The following TMEM43 variants were observed in gnomAD, a reference collection of about 807,000 sequenced individuals.
The protein encoded by TMEM43 is arrhythmogenic right ventricular dysplasia 5.
A neutral mutation model predicts 49.6 loss-of-function variants in TMEM43; 45 were observed. The observed-to-expected ratio is 0.91, with a 90% CI of 0.71 to 1.16. TMEM43 has a LOEUF of 1.16. Ranked by LOEUF, TMEM43 falls within the 50% of genes most tolerant of loss-of-function variation. The pLI is 0.00. For missense variants in TMEM43, 532 were observed against 516.6 expected (o/e 1.03, Z -0.29); for synonymous variants, 199 against 207.8 (o/e 0.96, Z 0.36).
intron 1 of TMEM43, among the ~76,000 whole-genome samples, chr3:14,126,345 T>G (rs1179336239): frequency 2.0e-5 from 3 of 152,166 alleles, no homozygotes; most frequent in African/African-American, 7.2e-5. Flanking sequence ...ATGTGGACTC[T>G]TTGTCTGCTC....
At chr3:14,136,859 T>C (rs1447189030) in intron 10 of TMEM43, among the ~76,000 whole-genome samples, 1 of 149,090 alleles carries the variant, frequency 6.7e-6, no homozygotes, top group Admixed American at 6.8e-5. Context: ...CAAGATGTGC[T>C]GATTAGTTCA....
At chr3:14,133,215 A>G (rs989785149) in intron 6 of TMEM43, among the ~76,000 whole-genome samples, 1 of 152,190 alleles carries the variant, frequency 6.6e-6, no homozygotes, top group Non-Finnish European at 1.5e-5. Flanking sequence ...CATTTTGTTA[A>G]TGGTTTGCCA....
chr3:14,141,816 G>A lies in TMEM43; in HGVS notation c.*21G>A, dbSNP rs745658635. 5.5e-5 allele frequency: 89 copies of A among 1,606,614 alleles called. No individual in the cohort carries two copies. The highest frequency in any genetic ancestry group is 4.7e-4 in the South Asian group (43 of 90,592). ...AGTGAAAAGACCCTGGCACCCGCCCGACACCTGCGTGAGCCCTAGGATCCA... is the reference window on the plus strand; with the variant it reads ...AGTGAAAAGACCCTGGCACCCGCCCAACACCTGCGTGAGCCCTAGGATCCA... On this transcript the variant is annotated 3_prime_UTR_variant, in exon 12 of 12. Coordinates refer to ENST00000306077, the MANE Select transcript of TMEM43 (RefSeq NM_024334.3).
chr3:14,132,768 C>T (rs1695114161), intron 5 of TMEM43, 98 bp from the exon 6 acceptor site: 5 of 1,416,822 alleles, frequency 3.5e-6, no homozygotes, highest in Non-Finnish European at 5.0e-6. Context: ...GCTCCCTGAC[C>T]CACCCCTTTG....
intron 10 of TMEM43, among the ~76,000 whole-genome samples, chr3:14,136,266 C>T (rs896781304): frequency 1.3e-5 from 2 of 152,190 alleles, no homozygotes; most frequent in South Asian, 2.1e-4. Flanking sequence ...CCACTAGTGG[C>T]GTCATGTTGG....
chr3:14,130,875 G>A lies in TMEM43; in HGVS notation c.216G>A (p.Val72=), dbSNP rs943527392. Residue 72 remains valine, a synonymous_variant, in exon 3 of 12, where the codon GTG becomes GTA. Transcript: ENST00000306077. The part of the protein sequence containing the change: ...TSLAEGLSLV[V]SPDSIHSVAP... ...TGGCTGAGGGGCTCTCGCTTGTGGT[G>A]TCTCCCGACAGCATCCACAGTGTGG... The A allele has an allele frequency of 3.1e-6, 5 of 1,613,702 alleles. No individual in the cohort carries two copies. Among genetic ancestry groups the A allele is most frequent in the Middle Eastern group, 1.6e-4 (1 of 6,082 alleles).
chr3:14,129,336 TGAG>T, intron 1 of TMEM43, 73 bp from the exon 2 acceptor site: 41 of 938,744 alleles, frequency 4.4e-5, no homozygotes, highest in Non-Finnish European at 5.6e-5. Context: ...AAAAAAAAAT[TGAG>T]TATAAATAAA....
intron 10 of TMEM43, among the ~76,000 whole-genome samples, chr3:14,137,687 C>T (rs1695188157): frequency 2.0e-5 from 3 of 152,250 alleles, no homozygotes; most frequent in Non-Finnish European, 2.9e-5. Context: ...CACTGCCTCC[C>T]ACCTGCTACA....
intron 8 of TMEM43, 103 bp downstream of exon 8, chr3:14,134,994 GGCCAA>G (rs764695056): frequency 2.9e-5 from 45 of 1,574,098 alleles, no homozygotes; most frequent in Non-Finnish European, 3.8e-5. Context: ...AGCTGCACTT[GGCCAA>G]GTGCAGCTGA....
chr3:14,125,340 C>A, intron 1 of TMEM43, 135 bp downstream of exon 1: 1 of 1,089,726 alleles, frequency 9.2e-7, no homozygotes, highest in South Asian at 1.3e-5. Flanking sequence ...CTCTGCTCGC[C>A]GTGTCTGTGC....
Position 14,141,625 on chromosome 3 carries a change from A to G in TMEM43, c.1033A>G (p.Asn345Asp), listed in dbSNP as rs1695247124. The G allele has an allele frequency of 1.2e-6, 2 of 1,614,146 alleles. No homozygotes were observed. Among genetic ancestry groups the G allele is most frequent in the Non-Finnish European group, 1.7e-6 (2 of 1,180,028 alleles). The change falls in exon 12 of 12, where the codon AAC becomes GAC. Residue 345 changes from asparagine (N) to aspartate (D), a missense_variant. Asn to Asp is a conservative substitution (Grantham distance 23). Transcript: ENST00000306077. ...GTTTCCTGTTTTCCGAGACCTGGTC[A>G]ACATTGGCCTGAAAGCCTTTGCCTT... ...DWFPVFRDLV[N>D]IGLKAFAFCV...
In TMEM43 at chr3:14,125,156, G is replaced by C; in HGVS notation, c.-38G>C. The C allele has an allele frequency of 9.9e-6, 16 of 1,608,924 alleles. No individual in the cohort carries two copies. Among genetic ancestry groups the C allele is most frequent in the Non-Finnish European group, 1.4e-5 (16 of 1,178,956 alleles). On this transcript the variant is annotated 5_prime_UTR_variant, in exon 1 of 12. Transcript: ENST00000306077. Reference sequence around the variant, plus strand: ...CCAGTCGTCAGCCCACTTCCTAGCTGAACAGCGCGAGGCGGCGGCAGCGAG... The same window carrying C: ...CCAGTCGTCAGCCCACTTCCTAGCTCAACAGCGCGAGGCGGCGGCAGCGAG...
In TMEM43 at chr3:14,141,929, C is replaced by T; in HGVS notation, c.*134C>T. 1.2e-6 allele frequency: 1 copy of T among 826,252 alleles called. No individual in the cohort carries two copies. Among genetic ancestry groups the T allele is most frequent in the Non-Finnish European group, 1.9e-6 (1 of 535,750 alleles). 51.2% of individuals were successfully genotyped at this position (826,252 alleles called of 1,614,324 possible). ...CTGCACTCCCTCTCCTCTTCAGGGG[C>T]CAGACTTGGCAGCATGTGCACCAGG... is the stretch of plus-strand genomic sequence containing the variant. On this transcript the variant is annotated 3_prime_UTR_variant, in exon 12 of 12. Coordinates refer to ENST00000306077, the MANE Select transcript of TMEM43 (RefSeq NM_024334.3).
intron 10 of TMEM43, chr3:14,137,011 T>C (rs1041039382): frequency 6.7e-6 from 1 of 149,794 alleles, no homozygotes; most frequent in Non-Finnish European, 1.5e-5. Flanking sequence ...TAACCAGGAC[T>C]GCTGGGGTTT....
chr3:14,129,064 A>G (rs745554414), intron 1 of TMEM43: 1 of 436,414 alleles, frequency 2.3e-6, no homozygotes, highest in South Asian at 1.6e-5. Flanking sequence ...CTCAAGTTGT[A>G]GAAGAAACAA....
chr3:14,135,666 G>A (rs1379872296), intron 9 of TMEM43, 141 bp from the exon 10 acceptor site: 3 of 645,778 alleles, frequency 4.6e-6, no homozygotes, highest in Non-Finnish European at 8.2e-6. Context: ...CATCCCAGAT[G>A]GATGTATAGA....
In TMEM43 at chr3:14,141,932, GACTTGGCAGCA is replaced by G; in HGVS notation, c.*138_*148del. 2 of 814,440 alleles carry G rather than the reference GACTTGGCAGCA, an allele frequency of 2.5e-6. No individual in the cohort carries two copies. The highest frequency in any genetic ancestry group is 5.4e-5 in the East Asian group (2 of 37,318). The allele number at this position is 814,440 out of a possible 1,614,324, so 50.5% of individuals were successfully genotyped here. On this transcript the variant is annotated 3_prime_UTR_variant, in exon 12 of 12. Transcript: ENST00000306077. ...CACTCCCTCTCCTCTTCAGGGGCCA[GACTTGGCAGCA>G]TGTGCACCAGGTTGGTGTTCACCAG...
intron 6 of TMEM43, among the ~76,000 whole-genome samples, chr3:14,133,151 T>C (rs1471455041): frequency 6.6e-6 from 1 of 152,094 alleles, no homozygotes; most frequent in East Asian, 1.9e-4. Flanking sequence ...AAGTCACAAA[T>C]ATAAGGCCTG....
At position 14,141,595 on chromosome 3, in the gene TMEM43, G is replaced by A; in HGVS notation, c.1003G>A (p.Asp335Asn). ...CATCACCTTTCTCCTTTCCACAGTG[G>A]ACTGGTTTCCTGTTTTCCGAGACCT... is the stretch of plus-strand genomic sequence containing the variant. ...LMTRILYTLVDWFPVFRDLVN... is the reference protein window; with the variant it reads ...LMTRILYTLVNWFPVFRDLVN... Residue 335 changes from aspartate (D) to asparagine (N), a missense_variant and splice_region_variant, in exon 12 of 12, where the codon GAC becomes AAC. Physicochemically the swap from Asp to Asn is conservative, Grantham distance 23. Coordinates refer to ENST00000306077, the MANE Select transcript of TMEM43 (RefSeq NM_024334.3). The A allele has an allele frequency of 6.2e-7, 1 of 1,613,978 alleles. No homozygotes were observed. The highest frequency in any genetic ancestry group is 2.2e-5 in the East Asian group (1 of 44,886).
Sources: allele counts gnomAD v4.1 joint callset (sites outside exome capture counted in the v4.1 genomes callset), GRCh38; gene constraint gnomAD v4.1.1; transcripts MANE v1.5; gene names NCBI Gene and HGNC (gene_info 2026-07-23, HGNC 2026-07-21).